The following ZNF282 variants were observed in gnomAD, a reference collection of about 807,000 sequenced individuals.
ZNF282 encodes HTLV-I U5 repressive element-binding protein 1.
A neutral mutation model predicts 61.9 loss-of-function variants in ZNF282; 30 were observed. That is an observed-to-expected ratio of 0.48 (90% CI 0.36 to 0.66). The LOEUF (loss-of-function observed/expected upper bound fraction) is 0.66. Ranked by LOEUF, ZNF282 falls within the 30% of genes least tolerant of loss-of-function variation. The pLI is 0.00. For missense variants in ZNF282, 788 were observed against 941.4 expected, an observed-to-expected ratio of 0.84 and a Z score of 2.13; for synonymous variants, 396 against 405.0, an observed-to-expected ratio of 0.98 and a Z score of 0.27.
At chr7:149,223,645 G>A (rs1796296154) in intron 7 of ZNF282, among the ~76,000 whole-genome samples, 167 bp from the exon 8 acceptor site, 1 of 152,146 alleles carries the variant, frequency 6.6e-6, no homozygotes, top group Admixed American at 6.5e-5. Context: ...GGGTGGCTTC[G>A]AACAGGTCGA....
rs1225465229 is a variant in ZNF282, at chr7:149,225,362, C to G, written c.*715C>G. 1 of 152,286 alleles carries G rather than the reference C, an allele frequency of 6.6e-6. No individual in the cohort carries two copies. The highest frequency in any genetic ancestry group is 1.5e-5 in the Non-Finnish European group (1 of 68,082). The allele number at this position is 152,286 out of a possible 1,614,324, so 9.4% of individuals were successfully genotyped here. On this transcript the variant is annotated 3_prime_UTR_variant, in exon 8 of 8. Transcript: ENST00000610704. Reference sequence around the variant, plus strand: ...CTCTTCCTTTCCTTGCTCTCACCCACGGATAAAACCAGAAGCGACAGGAGG... The same window carrying G: ...CTCTTCCTTTCCTTGCTCTCACCCAGGGATAAAACCAGAAGCGACAGGAGG...
chr7:149,224,256 A>G lies in ZNF282; in HGVS notation c.1625A>G (p.Lys542Arg). The G allele has an allele frequency of 1.2e-6, 2 of 1,612,112 alleles. No homozygotes were observed. The highest frequency in any genetic ancestry group is 1.7e-6 in the Non-Finnish European group (2 of 1,179,744). The change falls in exon 8 of 8, where the codon AAG (lysine) becomes AGG (arginine). Residue 542 changes from lysine (K) to arginine (R), a missense_variant. By Grantham distance (26) the Lys-to-Arg change is conservative. Transcript: ENST00000610704. ...SLIIHHRSHTKERPYECAECE... is the reference protein window; with the variant it reads ...SLIIHHRSHTRERPYECAECE... ...ATCATCCACCACCGCAGCCACACCA[A>G]GGAGCGGCCCTACGAGTGCGCTGAG... is the stretch of plus-strand genomic sequence containing the variant.
At chr7:149,211,300 G>A (rs1418427710) in intron 5 of ZNF282, among the ~76,000 whole-genome samples, 1 of 152,154 alleles carries the variant, frequency 6.6e-6, no homozygotes, top group Non-Finnish European at 1.5e-5. Flanking sequence ...TTTATTTTAA[G>A]GAATTGGCTT....
chr7:149,195,634 C>T lies in ZNF282; in HGVS notation c.45C>T (p.Ile15=). 1 of 1,609,604 alleles carries T rather than the reference C, an allele frequency of 6.2e-7. No individual in the cohort carries two copies. The highest frequency in any genetic ancestry group is 1.3e-5 in the African/African-American group (1 of 74,750). The change falls in exon 1 of 8, where the codon ATC becomes ATT. Residue 15 remains isoleucine (I), a synonymous_variant. Transcript: ENST00000610704. ...STRPQPQQLG[I]QGLGLDSGSW... The stretch of plus-strand genomic sequence containing the variant: ...GGCCGCAGCCTCAGCAGCTGGGCAT[C>T]CAGGGCCTGGGGCTGGACAGCGGGA...
At chr7:149,202,247 C>T (rs776293412) in intron 2 of ZNF282, among the ~76,000 whole-genome samples, 24 of 149,700 alleles carry the variant, frequency 1.6e-4, no homozygotes, top group Non-Finnish European at 2.7e-4. Context: ...CAGGTTCAAG[C>T]GATTCTCCTG....
At chr7:149,204,323 A>C (rs1795959873) in intron 2 of ZNF282, among the ~76,000 whole-genome samples, 1 of 152,154 alleles carries the variant, frequency 6.6e-6, no homozygotes, top group Non-Finnish European at 1.5e-5. Context: ...GGTTTCAGAG[A>C]ATGGAAGGTA....
chr7:149,223,778 C>T, intron 7 of ZNF282, 34 bp from the exon 8 acceptor site: 1 of 1,471,020 alleles, frequency 6.8e-7, no homozygotes, highest in Non-Finnish European at 8.9e-7. Context: ...GCCGAGAACC[C>T]CTGTCAGCAT....
Position 149,198,206 on chromosome 7 carries a change from A to T in ZNF282, c.166-127A>T. The T allele has an allele frequency of 8.9e-7, 1 of 1,117,890 alleles. No homozygotes were observed. The highest frequency in any genetic ancestry group is 1.3e-6 in the Non-Finnish European group (1 of 795,692). 69.2% of individuals were successfully genotyped at this position (1,117,890 alleles called of 1,614,324 possible). A position where few individuals can be genotyped will look rare whatever the true frequency, so the allele number is the denominator to read the frequency against. ...TTGCTGGGGGTGTTAGTGTATCCTGAGTTACGGGGGCCTGGCAGAAGAAAG... is the reference window on the plus strand; with the variant it reads ...TTGCTGGGGGTGTTAGTGTATCCTGTGTTACGGGGGCCTGGCAGAAGAAAG... On this transcript the variant is annotated intron_variant, in intron 1 of 7. Transcript: ENST00000610704. The surrounding 1 kb of genome is among the most constrained non-coding windows in gnomAD (Gnocchi z 4.3).
At position 149,220,355 on chromosome 7, in the gene ZNF282, C is replaced by T. The variant is rs372195140; in HGVS notation, c.1181-3457C>T. Among the ~76,000 whole-genome samples the T allele has an allele frequency of 1.1e-3, 168 of 151,600 alleles. 1 individual carries two copies. The highest frequency in any genetic ancestry group is 3.6e-3 in the African/African-American group (150 of 41,338). ...TGAACCCAGGAGGCGGAGCTTGCAG[C>T]GAGCTGAGATCGCGCCACTGCACTC... On this transcript the variant is annotated intron_variant, in intron 7 of 7. Coordinates refer to ENST00000610704, the MANE Select transcript of ZNF282 (RefSeq NM_003575.4).
At position 149,206,819 on chromosome 7, in the gene ZNF282, C is replaced by T; in HGVS notation, c.709C>T (p.Leu237=). The T allele has an allele frequency of 1.9e-6, 3 of 1,614,098 alleles. No homozygotes were observed. The highest frequency in any genetic ancestry group is 1.7e-6 in the Non-Finnish European group (2 of 1,180,018). Residue 237 remains leucine (L), a synonymous_variant, in exon 3 of 8, where the codon CTG becomes TTG. Transcript: ENST00000610704. The part of the protein sequence containing the change: ...VKENYKTLMS[L]DAEGSVPKPD... Reference sequence around the variant, plus strand: ...GGAGAACTACAAAACCCTCATGTCCCTGGGTAAGGACACCTTCTCTCCTCT... The same window carrying T: ...GGAGAACTACAAAACCCTCATGTCCTTGGGTAAGGACACCTTCTCTCCTCT...
In ZNF282 at chr7:149,195,733, C is replaced by G; in HGVS notation, c.144C>G (p.Ala48=). 5 of 1,533,706 alleles carry G rather than the reference C, an allele frequency of 3.3e-6. No homozygotes were observed. The highest frequency in any genetic ancestry group is 3.5e-6 in the Non-Finnish European group (4 of 1,141,008). ...HQEPALRGEM[A]EGMPPMQAQE... Reference sequence around the variant, plus strand: ...AGCCGGCGCTGCGCGGGGAAATGGCCGAGGGAATGCCGCCCATGCAGGTGG... The same window carrying G: ...AGCCGGCGCTGCGCGGGGAAATGGCGGAGGGAATGCCGCCCATGCAGGTGG... The change falls in exon 1 of 8, where the codon GCC becomes GCG. Residue 48 remains alanine (A), a synonymous_variant. Coordinates refer to ENST00000610704, the MANE Select transcript of ZNF282 (RefSeq NM_003575.4).
rs1269173207 is a variant in ZNF282, at chr7:149,215,194, C to CTTTT, written c.1180+1380_1180+1381insTTTT. ...TGTGTTCCCTGTCCATATTTCCTGACATTTTTTTTTTTTTTTTTTTTTTTT... is the reference window on the plus strand; with the variant it reads ...TGTGTTCCCTGTCCATATTTCCTGACTTTTATTTTTTTTTTTTTTTTTTTTTTTT... On this transcript the variant is annotated intron_variant, in intron 7 of 7. Coordinates refer to ENST00000610704, the MANE Select transcript of ZNF282 (RefSeq NM_003575.4). 7.5e-5 allele frequency among the ~76,000 whole-genome samples: 9 copies of CTTTT among 120,116 alleles called. 1 individual carries two copies. Among genetic ancestry groups the CTTTT allele is most frequent in the Non-Finnish European group, 7.1e-5 (4 of 56,578 alleles). 78.8% of individuals were successfully genotyped at this position (120,116 alleles called of 152,430 possible).
At position 149,207,630 on chromosome 7, in the gene ZNF282, G is replaced by T. The variant is rs6949523; in HGVS notation, c.832+160G>T. ...GTTCTGCCAGAGTCGAAATTTGGTG[G>T]TCACTTATAGGAAGAGATCTCAGGG... On this transcript the variant is annotated intron_variant, in intron 4 of 7. Coordinates refer to ENST00000610704, the MANE Select transcript of ZNF282 (RefSeq NM_003575.4). Among the ~76,000 whole-genome samples, 1,327 of 152,340 alleles carry T rather than the reference G, an allele frequency of 8.7e-3. 18 individuals are homozygous for T. The highest frequency in any genetic ancestry group is 0.031 in the African/African-American group (1,268 of 41,572).
At chr7:149,208,502 C>T (rs1253694044) in intron 4 of ZNF282, among the ~76,000 whole-genome samples, 3 of 151,972 alleles carry the variant, frequency 2.0e-5, no homozygotes, top group Non-Finnish European at 4.4e-5. Context: ...CATGCCCGGC[C>T]GTGTCCTCCG....
chr7:149,196,464 C>T lies in ZNF282; in HGVS notation c.165+710C>T, dbSNP rs145501491. On this transcript the variant is annotated intron_variant, in intron 1 of 7. Coordinates refer to ENST00000610704, the MANE Select transcript of ZNF282 (RefSeq NM_003575.4). ...CATCGATGATCTCCGTGGGCAGAACCGGTGCTCCAGAATTGGGTATAAAAC... is the reference window on the plus strand; with the variant it reads ...CATCGATGATCTCCGTGGGCAGAACTGGTGCTCCAGAATTGGGTATAAAAC... 4.6e-5 allele frequency among the ~76,000 whole-genome samples: 7 copies of T among 152,220 alleles called. 1 individual carries two copies. The highest frequency in any genetic ancestry group is 4.6e-4 in the Admixed American group (7 of 15,292).
intron 4 of ZNF282, among the ~76,000 whole-genome samples, chr7:149,209,374 C>T (rs1475877551): frequency 6.6e-6 from 1 of 151,974 alleles, no homozygotes; most frequent in Non-Finnish European, 1.5e-5. Context: ...CTTTTACCAC[C>T]CCCCGCCCCT....
At chr7:149,200,927 C>T (rs1453183270) in intron 2 of ZNF282, among the ~76,000 whole-genome samples, 1 of 152,190 alleles carries the variant, frequency 6.6e-6, no homozygotes, top group South Asian at 2.1e-4. Context: ...AATCTGTATG[C>T]TCTCACCTCC....
intron 7 of ZNF282, among the ~76,000 whole-genome samples, chr7:149,221,678 A>G (rs2129523726): frequency 6.6e-6 from 1 of 152,134 alleles, no homozygotes; most frequent in South Asian, 2.1e-4. Flanking sequence ...TGTGAAGAGA[A>G]TTCTTTTGGC....
intron 7 of ZNF282, among the ~76,000 whole-genome samples, chr7:149,222,798 C>T (rs1317792831): frequency 1.3e-5 from 2 of 151,592 alleles, no homozygotes; most frequent in Non-Finnish European, 2.9e-5. Flanking sequence ...CAGGTGCGTG[C>T]CACCATGCCC....
Sources: gnomAD v4.1 joint callset for allele counts (sites outside exome capture counted in the v4.1 genomes callset) on GRCh38, gnomAD v4.1.1 for gene constraint, Gnocchi (gnomAD v3.1) non-coding constraint, MANE v1.5 for transcripts, NCBI Gene and HGNC (gene_info 2026-07-23, HGNC 2026-07-21) for gene names.